DMD: variants seen among roughly 807,000 people sequenced by gnomAD.
The protein encoded by DMD is dystrophin.
DMD carries 63 observed loss-of-function variants against 330.1 expected under a neutral mutation model. The observed-to-expected ratio is 0.19, with a 90% CI of 0.16 to 0.24. The LOEUF is 0.24. Among genes scored for constraint, DMD ranks in the 10% least tolerant of loss-of-function variants. The pLI is 1.00. For synonymous variants in DMD, 1,223 were observed against 959.8 expected, an observed-to-expected ratio of 1.27 and a Z score of -5.07; for missense variants, 3,344 against 2,684.1, an observed-to-expected ratio of 1.25 and a Z score of -5.43.
chrX:31,562,441 A>T (rs2075249166), intron 55 of DMD, among the ~76,000 whole-genome samples: 1 of 112,118 alleles, frequency 8.9e-6, no homozygotes, highest in Non-Finnish European at 1.9e-5. Context: ...AATATCTGAG[A>T]GTGCTCTCTT....
chrX:32,585,261 T>C (rs1217349428), intron 13 of DMD, among the ~76,000 whole-genome samples: 1 of 111,761 alleles, frequency 8.9e-6, no homozygotes, highest in Non-Finnish European at 1.9e-5. Flanking sequence ...GTTCTAATGT[T>C]CGATAGCAGA....
intron 48 of DMD, among the ~76,000 whole-genome samples, chrX:31,853,013 A>G (rs2093557019): frequency 8.9e-6 from 1 of 112,131 alleles, no homozygotes; most frequent in South Asian, 3.7e-4. Flanking sequence ...CCTCCAGAGT[A>G]GCTGAGATTA....
At chrX:32,709,107 A>C (rs1287476718) in intron 7 of DMD, among the ~76,000 whole-genome samples, 1 of 112,147 alleles carries the variant, frequency 8.9e-6, no homozygotes, top group African/African-American at 3.2e-5. Flanking sequence ...AGTACTTATG[A>C]AATTTCATTT....
intron 44 of DMD, among the ~76,000 whole-genome samples, chrX:32,026,174 T>TA (rs2095844337): frequency 8.9e-6 from 1 of 112,160 alleles, no homozygotes; most frequent in African/African-American, 3.2e-5. Context: ...AATTCAGATA[T>TA]AAAATATTTT....
intron 43 of DMD, among the ~76,000 whole-genome samples, chrX:32,244,452 T>C (rs2097222942): frequency 1.3e-5 from 1 of 79,220 alleles, no homozygotes; most frequent in African/African-American, 4.9e-5. Flanking sequence ...GCAGCATGAT[T>C]TATAGTCCTT....
intron 4 of DMD, among the ~76,000 whole-genome samples, chrX:32,841,621 G>T (rs904217319): frequency 1.8e-5 from 2 of 111,862 alleles, no homozygotes; most frequent in African/African-American, 6.5e-5. Context: ...TTAATAAATG[G>T]TGTGTTAATT....
chrX:32,089,664 AC>A (rs2096462985), intron 44 of DMD, among the ~76,000 whole-genome samples: 1 of 111,956 alleles, frequency 8.9e-6, no homozygotes, highest in South Asian at 3.7e-4. Context: ...TATATGTACC[AC>A]ATTTTCTTTA....
chrX:31,386,282 G>A (rs1170316897), intron 60 of DMD, among the ~76,000 whole-genome samples: 2 of 111,202 alleles, frequency 1.8e-5, no homozygotes, highest in African/African-American at 3.3e-5. Flanking sequence ...TGTAAATGAC[G>A]AGTTAATGGG....
chrX:32,764,086 TTTAAG>T (rs760655773), intron 7 of DMD, among the ~76,000 whole-genome samples: 1 of 108,238 alleles, frequency 9.2e-6, no homozygotes, highest in East Asian at 2.9e-4. Flanking sequence ...TCCATTTGGG[TTTAAG>T]TTGAGGTTTT....
At chrX:31,802,241 T>C (rs1385702313) in intron 50 of DMD, among the ~76,000 whole-genome samples, 1 of 110,765 alleles carries the variant, frequency 9.0e-6, no homozygotes, top group Non-Finnish European at 1.9e-5. Context: ...CTGTCTGTCA[T>C]CAAATTTATA....
chrX:31,420,830 T>G (rs1000847194), intron 60 of DMD, among the ~76,000 whole-genome samples: 8 of 112,328 alleles, frequency 7.1e-5, no homozygotes, highest in Non-Finnish European at 1.5e-4. Flanking sequence ...TTCATGGCAG[T>G]GTCCTTGCCC....
chrX:31,867,090 T>TTATATATATATATATATATATA (rs1569487063), intron 48 of DMD, among the ~76,000 whole-genome samples: 22 of 56,844 alleles, frequency 3.9e-4, no homozygotes, highest in African/African-American at 1.7e-3. Flanking sequence ...CAACATATTT[T>TTATATATATATATATATATATA]GATATATATA....
chrX:31,975,428 T>C (rs1469837139), intron 44 of DMD, among the ~76,000 whole-genome samples: 1 of 112,095 alleles, frequency 8.9e-6, no homozygotes, highest in Non-Finnish European at 1.9e-5. Context: ...TCATGAGAAC[T>C]TCAGGACAAA....
intron 4 of DMD, among the ~76,000 whole-genome samples, chrX:32,831,742 A>C (rs1202093518): frequency 9.2e-6 from 1 of 108,527 alleles, no homozygotes; most frequent in African/African-American, 3.4e-5. Context: ...CAGGTGACAA[A>C]GTTCTGACAA....
At chrX:32,731,344 C>A (rs369910712) in intron 7 of DMD, among the ~76,000 whole-genome samples, 1 of 112,451 alleles carries the variant, frequency 8.9e-6, no homozygotes, top group Non-Finnish European at 1.9e-5. Flanking sequence ...GAGGGGCACC[C>A]GCCATTGCCT....
At chrX:31,807,148 T>C (rs1295286005) in intron 50 of DMD, among the ~76,000 whole-genome samples, 1 of 111,778 alleles carries the variant, frequency 8.9e-6, no homozygotes, top group Non-Finnish European at 1.9e-5. Flanking sequence ...CCAGCCCATA[T>C]TCATTTCTAC....
intron 5 of DMD, among the ~76,000 whole-genome samples, chrX:32,820,150 G>A (rs969073358): frequency 1.8e-5 from 2 of 112,419 alleles, no homozygotes; most frequent in Admixed American, 1.9e-4. Flanking sequence ...TGCTAATAAT[G>A]AAAAATGGGC....
chrX:32,644,942 G>T, intron 10 of DMD, 22 bp downstream of exon 10: 1 of 1,205,509 alleles, frequency 8.3e-7, no homozygotes, highest in Non-Finnish European at 1.1e-6. Context: ...GTTTTGTTTT[G>T]TAAATTAACG....
rs759562598 is a variant in DMD, at chrX:32,759,589, GC to G, written c.649+49903del. ...ACCTCAATTTCTCTATGGCAATAAGGCTATCATATCCAAACAGAAGAACTAA... is the reference window on the plus strand; with the variant it reads ...ACCTCAATTTCTCTATGGCAATAAGGTATCATATCCAAACAGAAGAACTAA... On this transcript the variant is annotated intron_variant, in intron 7 of 78. Coordinates refer to ENST00000357033, the MANE Select transcript of DMD (RefSeq NM_004006.3). Among the ~76,000 whole-genome samples the G allele has an allele frequency of 1.3e-4, 15 of 111,196 alleles. No homozygotes were observed. In the East Asian group the frequency reaches 3.4e-3, roughly 25 times the overall value.
Sources: gnomAD v4.1 joint callset for allele counts (sites outside exome capture counted in the v4.1 genomes callset) on GRCh38, gnomAD v4.1.1 for gene constraint, MANE v1.5 for transcripts, NCBI Gene and HGNC (gene_info 2026-07-23, HGNC 2026-07-21) for gene names.